YME1L1: variants seen among roughly 807,000 people sequenced by gnomAD.
The protein encoded by YME1L1 is YME1 like 1 ATPase.
In YME1L1, 39 loss-of-function variants were observed where a neutral mutation model predicts 90.4. That is an observed-to-expected ratio of 0.43 (90% confidence interval 0.33 to 0.56). The LOEUF is 0.56. Among genes scored for constraint, YME1L1 ranks in the 20% least tolerant of loss-of-function variants. YME1L1 has a pLI of 0.03. For missense variants in YME1L1, 617 were observed against 868.4 expected, an observed-to-expected ratio of 0.71 and a Z score of 3.64; for synonymous variants, 284 against 287.3, an observed-to-expected ratio of 0.99 and a Z score of 0.12.
intron 13 of YME1L1, among the ~76,000 whole-genome samples, chr10:27,120,197 A>ATTT (rs373682318): frequency 5.3e-5 from 8 of 152,248 alleles, no homozygotes; most frequent in African/African-American, 1.9e-4. Context: ...GTATCCTCAA[A>ATTT]TATTATCTGT....
chr10:27,137,730 TTGAC>T (rs1391567760), intron 4 of YME1L1, among the ~76,000 whole-genome samples: 3 of 152,210 alleles, frequency 2.0e-5, no homozygotes, highest in Non-Finnish European at 4.4e-5. Context: ...TGTATTTTTA[TTGAC>T]TATTTTTATT....
Position 27,126,690 on chromosome 10 carries a change from T to A in YME1L1, c.949+6A>T. 6.9e-7 allele frequency: 1 copy of A among 1,444,456 alleles called. No individual in the cohort carries two copies. The highest frequency in any genetic ancestry group is 9.5e-7 in the Non-Finnish European group (1 of 1,053,012). 89.5% of individuals were successfully genotyped at this position (1,444,456 alleles called of 1,614,324 possible). A position where few individuals can be genotyped will look rare whatever the true frequency, so the allele number is the denominator to read the frequency against. ...ATCAAATCATGATAAAGAAAAGATA[T>A]CTTACCTTTTGGAAGTTTACCTCCA... is the stretch of plus-strand genomic sequence containing the variant. On this transcript the variant is annotated splice_donor_region_variant and intron_variant, in intron 9 of 18. Coordinates refer to ENST00000376016, the MANE Select transcript of YME1L1 (RefSeq NM_014263.4).
At chr10:27,113,608 G>A (rs1053706918) in intron 18 of YME1L1, among the ~76,000 whole-genome samples, 7 of 150,528 alleles carry the variant, frequency 4.7e-5, no homozygotes, top group African/African-American at 1.7e-4. Flanking sequence ...GAAGGCGGAA[G>A]TTGCAATGAG....
chr10:27,137,900 T>C (rs894110810), intron 4 of YME1L1, among the ~76,000 whole-genome samples: 4 of 152,192 alleles, frequency 2.6e-5, no homozygotes, highest in Non-Finnish European at 5.9e-5. Flanking sequence ...CAGTAATTTA[T>C]TAGCTCAGTG....
At chr10:27,123,053 A>G (rs1350894091) in intron 10 of YME1L1, 80 bp from the exon 11 acceptor site, 3 of 1,508,888 alleles carry the variant, frequency 2.0e-6, no homozygotes, top group Non-Finnish European at 2.7e-6. Flanking sequence ...TTAAAATCCT[A>G]TACAACTGTC....
At chr10:27,143,449 C>A (rs976877186) in intron 3 of YME1L1, among the ~76,000 whole-genome samples, 2 of 151,978 alleles carry the variant, frequency 1.3e-5, no homozygotes, top group African/African-American at 4.8e-5. Flanking sequence ...CCTGTAATCC[C>A]AGCACTTTGG....
chr10:27,144,912 A>G (rs1175711771), intron 3 of YME1L1, among the ~76,000 whole-genome samples: 2 of 152,054 alleles, frequency 1.3e-5, no homozygotes, highest in East Asian at 1.9e-4. Context: ...GAGGCTGAGG[A>G]GGGTGGATCA....
intron 14 of YME1L1, among the ~76,000 whole-genome samples, chr10:27,117,989 G>C (rs1014282046): frequency 4.6e-5 from 7 of 152,184 alleles, no homozygotes; most frequent in African/African-American, 1.7e-4. Flanking sequence ...GTATACAGGA[G>C]AATTATGTAG....
At chr10:27,146,204 A>T (rs1037427907) in intron 2 of YME1L1, 1 of 152,194 alleles carries the variant, frequency 6.6e-6, no homozygotes, top group African/African-American at 2.4e-5. Context: ...ACAAAAGCCC[A>T]CTTGACAAAG....
chr10:27,123,001 G>C, intron 10 of YME1L1, 28 bp from the exon 11 acceptor site: 1 of 1,600,378 alleles, frequency 6.2e-7, no homozygotes, highest in Non-Finnish European at 8.5e-7. Context: ...ATTCAAATAA[G>C]CTGAAAGAAA....
At chr10:27,112,228 GTTTATA>G (rs1271829899) in intron 18 of YME1L1, 108 bp from the exon 19 acceptor site, 13 of 949,022 alleles carry the variant, frequency 1.4e-5, no homozygotes, top group Non-Finnish European at 1.7e-5. Context: ...TATGAAATCT[GTTTATA>G]TTTATAAAAT....
In YME1L1 at chr10:27,123,655, C is replaced by A; in HGVS notation, c.994G>T (p.Ala332Ser). Residue 332 changes from alanine to serine, a missense_variant, in exon 10 of 19, where the codon GCC becomes TCC. Ala to Ser is a moderately conservative substitution (Grantham distance 99, BLOSUM62 1). Transcript: ENST00000376016. ...TCAGCTTCTCCCGCCACAGCTCGGG[C>A]AAGAAGTGTCTTTCCAGTCCCTGGG... ...GPPGTGKTLL[A>S]RAVAGEADVP... 2 of 1,613,666 alleles carry A rather than the reference C, an allele frequency of 1.2e-6. No homozygotes were observed. The highest frequency in any genetic ancestry group is 2.2e-5 in the South Asian group (2 of 91,048).
At chr10:27,121,536 T>A (rs2056867817) in intron 11 of YME1L1, 88 bp from the exon 12 acceptor site, 7 of 959,718 alleles carry the variant, frequency 7.3e-6, no homozygotes, top group Non-Finnish European at 1.1e-5. Context: ...GTTTGTTTTC[T>A]TTTTTTGAGA....
At chr10:27,115,036 T>A (rs2056797926) in intron 17 of YME1L1, among the ~76,000 whole-genome samples, 1 of 140,408 alleles carries the variant, frequency 7.1e-6, no homozygotes, top group South Asian at 2.3e-4. Context: ...CCAAAAAAAA[T>A]AAAAATAAAA....
intron 8 of YME1L1, 150 bp from the exon 9 acceptor site, chr10:27,126,936 C>T (rs1312762223): frequency 7.1e-6 from 4 of 562,064 alleles, no homozygotes; most frequent in Admixed American, 8.0e-5. Flanking sequence ...ACAAAAATGG[C>T]CCCTTATAAA....
chr10:27,145,738 A>G lies in YME1L1; in HGVS notation c.169-148T>C, dbSNP rs142143518. On this transcript the variant is annotated intron_variant, in intron 2 of 18. Transcript: ENST00000376016. The stretch of plus-strand genomic sequence containing the variant: ...AATATTTAAAAATAAATTGATGCAA[A>G]TATTTTCACAGTTCGTTTTACTGAG... 6.0e-4 allele frequency: 419 copies of G among 704,150 alleles called. No individual in the cohort carries two copies. The African/African-American group carries it at 7.1e-3, about 12-fold the overall frequency. The allele number at this position is 704,150 out of a possible 1,614,324, so 43.6% of individuals were successfully genotyped here. A position where few individuals can be genotyped will look rare whatever the true frequency, so the allele number is the denominator to read the frequency against.
chr10:27,145,647 A>C, intron 2 of YME1L1, 57 bp from the exon 3 acceptor site: 1 of 1,387,884 alleles, frequency 7.2e-7, no homozygotes, highest in South Asian at 1.5e-5. Context: ...ATTTAACCTA[A>C]GGAGTACATA....
chr10:27,152,647 C>A (rs1249545676), intron 1 of YME1L1, among the ~76,000 whole-genome samples: 1 of 152,206 alleles, frequency 6.6e-6, no homozygotes, highest in Non-Finnish European at 1.5e-5. Flanking sequence ...ATTACTAGGA[C>A]TTCTCCAGAC....
intron 1 of YME1L1, among the ~76,000 whole-genome samples, chr10:27,149,568 G>T (rs1473922248): frequency 6.6e-6 from 1 of 151,614 alleles, no homozygotes; most frequent in Admixed American, 6.6e-5. Flanking sequence ...ACAATTAGAT[G>T]GGTGTGATGG....
Sources: allele counts gnomAD v4.1 joint callset (sites outside exome capture counted in the v4.1 genomes callset), GRCh38; gene constraint gnomAD v4.1.1; transcripts MANE v1.5; gene names NCBI Gene and HGNC (gene_info 2026-07-23, HGNC 2026-07-21).